The following ADAMTS18 variants were observed in gnomAD, a reference collection of about 807,000 sequenced individuals.
ADAMTS18 encodes ADAM metallopeptidase with thrombospondin type 1 motif 18, also known as A disintegrin and metalloproteinase with thrombospondin motifs 18.
A neutral mutation model predicts 165.9 loss-of-function variants in ADAMTS18; 157 were observed. The ratio of observed to expected loss-of-function variants is 0.95; its 90% CI spans 0.83 to 1.08. ADAMTS18 has a LOEUF of 1.08. Ranked by LOEUF, ADAMTS18 falls within the 50% of genes least tolerant of loss-of-function variation. The pLI is 0.00. For missense variants in ADAMTS18, 2,040 were observed against 1,534.0 expected, an observed-to-expected ratio of 1.33 and a Z score of -5.51; for synonymous variants, 782 against 578.2, an observed-to-expected ratio of 1.35 and a Z score of -5.06.
chr16:77,413,697 GTTA>G (rs2057493933), intron 3 of ADAMTS18, among the ~76,000 whole-genome samples: 1 of 150,012 alleles, frequency 6.7e-6, no homozygotes, highest in Non-Finnish European at 1.5e-5. Flanking sequence ...ACTTAAATAT[GTTA>G]TTTAGTATAC....
At chr16:77,334,763 C>CTGTATACTAT (rs1322207133) in intron 12 of ADAMTS18, among the ~76,000 whole-genome samples, 1 of 6,852 alleles carries the variant, frequency 1.5e-4, no homozygotes, top group Non-Finnish European at 2.1e-4. Flanking sequence ...CTATAGTATA[C>CTGTATACTAT]AGTATATATA....
chr16:77,407,481 C>A (rs1433280358), intron 3 of ADAMTS18, among the ~76,000 whole-genome samples: 6 of 151,984 alleles, frequency 3.9e-5, no homozygotes, highest in Admixed American at 1.3e-4. Context: ...GCAAAGAACA[C>A]AATATAGTCA....
At chr16:77,427,623 T>C (rs1466483460) in intron 3 of ADAMTS18, among the ~76,000 whole-genome samples, 1 of 152,186 alleles carries the variant, frequency 6.6e-6, no homozygotes, top group Admixed American at 6.5e-5. Flanking sequence ...TGAGCTTTTC[T>C]AGGTTACCCT....
chr16:77,366,010 A>G (rs963649189), intron 4 of ADAMTS18, among the ~76,000 whole-genome samples: 2 of 152,206 alleles, frequency 1.3e-5, no homozygotes, highest in African/African-American at 2.4e-5. Flanking sequence ...AGGCTAAATC[A>G]TTACTCTATA....
intron 21 of ADAMTS18, among the ~76,000 whole-genome samples, chr16:77,289,720 C>CAAAT (rs1330737298): frequency 8.5e-5 from 13 of 152,286 alleles, no homozygotes; most frequent in Admixed American, 7.8e-4. Flanking sequence ...AATGCAGAAA[C>CAAAT]AAATACAGAC....
At chr16:77,290,325 A>C (rs2055338183) in intron 21 of ADAMTS18, among the ~76,000 whole-genome samples, 1 of 152,220 alleles carries the variant, frequency 6.6e-6, no homozygotes, top group Non-Finnish European at 1.5e-5. Context: ...GAACATGGCT[A>C]CATTCCAGTT....
At chr16:77,357,148 T>C (rs1264403308) in intron 8 of ADAMTS18, among the ~76,000 whole-genome samples, 2 of 152,138 alleles carry the variant, frequency 1.3e-5, no homozygotes, top group Admixed American at 1.3e-4. Flanking sequence ...TGTAAATAAA[T>C]GTTATCCTGA....
intron 3 of ADAMTS18, among the ~76,000 whole-genome samples, chr16:77,407,367 T>C (rs1016374603): frequency 3.9e-5 from 6 of 152,088 alleles, no homozygotes; most frequent in African/African-American, 9.7e-5. Context: ...ACCATGTTCA[T>C]AGACGGAAAA....
intron 7 of ADAMTS18, among the ~76,000 whole-genome samples, chr16:77,360,618 T>A (rs1427829162): frequency 6.6e-6 from 1 of 152,212 alleles, no homozygotes; most frequent in Non-Finnish European, 1.5e-5. Flanking sequence ...ACTTTGCACA[T>A]TCCAAATTCA....
intron 4 of ADAMTS18, among the ~76,000 whole-genome samples, chr16:77,365,926 G>T (rs1316009317): frequency 6.6e-6 from 1 of 152,190 alleles, no homozygotes; most frequent in African/African-American, 2.4e-5. Context: ...TTATAAGGTT[G>T]TTGTAAAGAT....
intron 16 of ADAMTS18, among the ~76,000 whole-genome samples, chr16:77,305,060 A>C (rs1161051949): frequency 6.6e-6 from 1 of 152,196 alleles, no homozygotes; most frequent in African/African-American, 2.4e-5. Flanking sequence ...GTAAGAATTT[A>C]CTTAACATCA....
intron 3 of ADAMTS18, among the ~76,000 whole-genome samples, chr16:77,400,604 C>T (rs568005536): frequency 6.6e-6 from 1 of 151,776 alleles, no homozygotes; most frequent in African/African-American, 2.4e-5. Flanking sequence ...GCCTCAGCCT[C>T]CTAAGTAGCT....
chr16:77,301,060 T>C (rs2055573257), intron 16 of ADAMTS18, among the ~76,000 whole-genome samples: 1 of 152,110 alleles, frequency 6.6e-6, no homozygotes, highest in South Asian at 2.1e-4. Flanking sequence ...AAAAGAAACA[T>C]GTTCAGAATC....
intron 22 of ADAMTS18, among the ~76,000 whole-genome samples, chr16:77,287,879 C>G (rs2055285456): frequency 6.6e-6 from 1 of 152,158 alleles, no homozygotes; most frequent in Admixed American, 6.5e-5. Flanking sequence ...TATTCCACCA[C>G]TTATTTGTTG....
chr16:77,432,623 T>C (rs1463334111), intron 2 of ADAMTS18, among the ~76,000 whole-genome samples: 1 of 152,204 alleles, frequency 6.6e-6, no homozygotes, highest in Admixed American at 6.5e-5. Flanking sequence ...AGGCACAGAA[T>C]GGGAAACTAC....
chr16:77,313,413 T>A (rs1400174407), intron 16 of ADAMTS18, among the ~76,000 whole-genome samples: 1 of 151,750 alleles, frequency 6.6e-6, no homozygotes, highest in Non-Finnish European at 1.5e-5. Context: ...CTGTACATTG[T>A]GCACATGTGC....
chr16:77,401,376 A>G (rs920487562), intron 3 of ADAMTS18, among the ~76,000 whole-genome samples: 1 of 152,250 alleles, frequency 6.6e-6, no homozygotes, highest in Non-Finnish European at 1.5e-5. Flanking sequence ...CCATTTTCAG[A>G]CCTTTACTGA....
chr16:77,289,434 G>A, intron 21 of ADAMTS18, 23 bp from the exon 22 acceptor site: 1 of 1,611,372 alleles, frequency 6.2e-7, no homozygotes, highest in East Asian at 2.2e-5. Flanking sequence ...GAAGAGGAAG[G>A]AGTCAGAAAC....
rs1340481223 is a variant in ADAMTS18 at position 77,291,489 on chromosome 16, A to G, written c.3190-11T>C. On this transcript the variant is annotated splice_polypyrimidine_tract_variant and intron_variant, in intron 20 of 22. Transcript: ENST00000282849. Reference sequence around the variant, plus strand: ...ACAGGTTGCAGAACACTAGGAGCCAAGACAGGATGTGTAAAAGTGAAGACT... The same window carrying G: ...ACAGGTTGCAGAACACTAGGAGCCAGGACAGGATGTGTAAAAGTGAAGACT... The G allele has an allele frequency of 2.5e-6, 4 of 1,613,748 alleles. No homozygotes were observed. In the Admixed American group the frequency reaches 6.7e-5, roughly 27 times the overall value.
Sources: allele counts gnomAD v4.1 joint callset (sites outside exome capture counted in the v4.1 genomes callset), GRCh38; gene constraint gnomAD v4.1.1; transcripts MANE v1.5; gene names NCBI Gene and HGNC (gene_info 2026-07-23, HGNC 2026-07-21).